The following TBC1D23 variants were observed in gnomAD, a reference collection of about 807,000 sequenced individuals.
TBC1D23 encodes the protein HCV non-structural protein 4A-transactivated protein 1.
TBC1D23 carries 55 observed loss-of-function variants against 91.4 expected under a neutral mutation model. The observed-to-expected ratio is 0.60, with a 90% CI of 0.48 to 0.75. The LOEUF is 0.75. Among genes scored for constraint, TBC1D23 ranks in the 30% least tolerant of loss-of-function variants. The pLI is 0.00. For synonymous variants in TBC1D23, 289 were observed against 281.0 expected, an observed-to-expected ratio of 1.03 and a Z score of -0.28; for missense variants, 725 against 836.1, an observed-to-expected ratio of 0.87 and a Z score of 1.64.
intron 4 of TBC1D23, among the ~76,000 whole-genome samples, chr3:100,285,360 T>C (rs1047965850): frequency 6.6e-6 from 1 of 152,272 alleles, no homozygotes; most frequent in African/African-American, 2.4e-5. Flanking sequence ...TTTTTGTGAC[T>C]GCCTTTAATG....
At position 100,283,676 on chromosome 3, in the gene TBC1D23, A is replaced by T; in HGVS notation, c.341A>T (p.Tyr114Phe). 1 of 1,613,426 alleles carries T rather than the reference A, an allele frequency of 6.2e-7. No homozygotes were observed. The highest frequency in any genetic ancestry group is 8.5e-7 in the Non-Finnish European group (1 of 1,179,380). ...GATATTGAATCTGTAATTACCTTTTATTGTAAATCACGTAACATTAAATAT... is the reference window on the plus strand; with the variant it reads ...GATATTGAATCTGTAATTACCTTTTTTTGTAAATCACGTAACATTAAATAT... ...LLDIESVITF[Y>F]CKSRNIKYST... Residue 114 changes from tyrosine to phenylalanine, a missense_variant, in exon 4 of 19, where the codon TAT becomes TTT. Transcript: ENST00000394144.
chr3:100,310,420 C>T lies in TBC1D23; in HGVS notation c.1431C>T (p.Gly477=). The part of the protein sequence containing the change: ...INSVDGESPN[G]SSDRGMKSLV... ...TTTTTTAGGGTGAATCTCCTAATGG[C>T]TCAAGTGATAGAGGAATGAAATCAC... is the stretch of plus-strand genomic sequence containing the variant. Residue 477 remains glycine, a synonymous_variant, in exon 14 of 19, where the codon GGC becomes GGT. Coordinates refer to ENST00000394144, the MANE Select transcript of TBC1D23 (RefSeq NM_001199198.3). 1 of 1,612,310 alleles carries T rather than the reference C, an allele frequency of 6.2e-7. No homozygotes were observed.
intron 1 of TBC1D23, among the ~76,000 whole-genome samples, chr3:100,269,867 G>C (rs1309942414): frequency 6.6e-6 from 1 of 152,170 alleles, no homozygotes; most frequent in African/African-American, 2.4e-5. Flanking sequence ...CATGCAGCTT[G>C]CCACTGCTTA....
rs901858833 is a variant in TBC1D23, at chr3:100,295,467, C to T, written c.772+119C>T. 1.1e-5 allele frequency: 8 copies of T among 743,636 alleles called. No individual in the cohort carries two copies. The East Asian group carries it at 1.4e-4, about 13-fold the overall frequency. 46.1% of individuals were successfully genotyped at this position (743,636 alleles called of 1,614,324 possible). On this transcript the variant is annotated intron_variant, in intron 7 of 18. Coordinates refer to ENST00000394144, the MANE Select transcript of TBC1D23 (RefSeq NM_001199198.3). The stretch of plus-strand genomic sequence containing the variant: ...AGAAGAGCTCTGAGGCTCCATTCAA[C>T]TCTCAGATTATATAAACACTCTCCA...
At chr3:100,287,793 T>C (rs1246941658) in intron 4 of TBC1D23, among the ~76,000 whole-genome samples, 1 of 152,192 alleles carries the variant, frequency 6.6e-6, no homozygotes, top group Non-Finnish European at 1.5e-5. Context: ...ACATTTTTTT[T>C]TCTTTTTTGA....
intron 11 of TBC1D23, among the ~76,000 whole-genome samples, chr3:100,303,793 G>A (rs75670179): frequency 2.6e-5 from 4 of 152,064 alleles, no homozygotes; most frequent in African/African-American, 7.2e-5. Flanking sequence ...AAATAAAAAC[G>A]CTTCAGTATA....
At chr3:100,273,192 G>C (rs904748195) in intron 1 of TBC1D23, among the ~76,000 whole-genome samples, 4 of 152,206 alleles carry the variant, frequency 2.6e-5, no homozygotes, top group Non-Finnish European at 5.9e-5. Context: ...CTGGGTACTT[G>C]AGATTAGGGA....
chr3:100,283,689 T>A lies in TBC1D23; in HGVS notation c.354T>A (p.Arg118=). The A allele has an allele frequency of 6.2e-7, 1 of 1,612,738 alleles. No individual in the cohort carries two copies. Among genetic ancestry groups the A allele is most frequent in the South Asian group, 1.1e-5 (1 of 91,060 alleles). The change falls in exon 4 of 19, where the codon CGT becomes CGA. Residue 118 remains arginine (R), a synonymous_variant. Coordinates refer to ENST00000394144, the MANE Select transcript of TBC1D23 (RefSeq NM_001199198.3). ...TAATTACCTTTTATTGTAAATCACGTAACATTAAATATAGCACATCCCTTA... is the reference window on the plus strand; with the variant it reads ...TAATTACCTTTTATTGTAAATCACGAAACATTAAATATAGCACATCCCTTA... ...ESVITFYCKS[R]NIKYSTSLSW...
chr3:100,299,169 G>A, intron 9 of TBC1D23, 70 bp from the exon 10 acceptor site: 2 of 987,334 alleles, frequency 2.0e-6, no homozygotes, highest in Middle Eastern at 2.2e-4. Context: ...TTGGTTAACT[G>A]TGAATATTAT....
At chr3:100,315,360 C>T (rs941839284) in intron 15 of TBC1D23, among the ~76,000 whole-genome samples, 2 of 151,968 alleles carry the variant, frequency 1.3e-5, no homozygotes, top group Non-Finnish European at 2.9e-5. Context: ...CGGAGTTTCT[C>T]CACGTTGGTC....
chr3:100,320,709 A>T (rs1370079519), intron 17 of TBC1D23, 68 bp from the exon 18 acceptor site: 1 of 968,766 alleles, frequency 1.0e-6, no homozygotes, highest in African/African-American at 1.7e-5. Context: ...AGATGGTTGA[A>T]ACAACACCTG....
At chr3:100,291,536 T>C (rs1262258530) in intron 5 of TBC1D23, among the ~76,000 whole-genome samples, 2 of 151,260 alleles carry the variant, frequency 1.3e-5, no homozygotes, top group African/African-American at 4.9e-5. Flanking sequence ...TGAGCCGAGA[T>C]TGCACCACTG....
At chr3:100,316,520 G>C (rs1268165017) in intron 16 of TBC1D23, among the ~76,000 whole-genome samples, 3 of 152,002 alleles carry the variant, frequency 2.0e-5, no homozygotes. Flanking sequence ...TTGATTATAG[G>C]TGTCTTCAGC....
Position 100,295,119 on chromosome 3 carries a change from T to A in TBC1D23, c.633T>A (p.Thr211=). The A allele has an allele frequency of 6.2e-7, 1 of 1,602,294 alleles. No homozygotes were observed. Among genetic ancestry groups the A allele is most frequent in the Non-Finnish European group, 8.5e-7 (1 of 1,176,860 alleles). ...LGSLFACYCS[T]EVTQAIWDGY... ...GTCTTTTTGCATGTTACTGTTCCAC[T>A]GAAGTCACTCAGGCAATATGGGATG... The change falls in exon 6 of 19, where the codon ACT becomes ACA. Residue 211 remains threonine, a synonymous_variant. Transcript: ENST00000394144.
At chr3:100,290,510 G>T in intron 4 of TBC1D23, 68 bp from the exon 5 acceptor site, 2 of 1,434,824 alleles carry the variant, frequency 1.4e-6, no homozygotes, top group South Asian at 1.2e-5. Flanking sequence ...ATAGCAGGAA[G>T]ATTGGTTACT....
Position 100,299,302 on chromosome 3 carries a change from T to G in TBC1D23, c.1063T>G (p.Ser355Ala), listed in dbSNP as rs1705375887. Reference sequence around the variant, plus strand: ...AGAACAATATAATGCTGGGCATTTATCAACTGCTTTCCACTTAGATTCAGA... The same window carrying G: ...AGAACAATATAATGCTGGGCATTTAGCAACTGCTTTCCACTTAGATTCAGA... ...PAEQYNAGHL[S>A]TAFHLDSDLM... The change falls in exon 10 of 19, where the codon TCA becomes GCA. Residue 355 changes from serine to alanine, a missense_variant. Ser to Ala is a moderately conservative substitution (Grantham distance 99). Coordinates refer to ENST00000394144, the MANE Select transcript of TBC1D23 (RefSeq NM_001199198.3). 6.2e-7 allele frequency: 1 copy of G among 1,611,728 alleles called. No individual in the cohort carries two copies. Among genetic ancestry groups the G allele is most frequent in the Admixed American group, 1.7e-5 (1 of 59,958 alleles).
chr3:100,318,941 CTG>C (rs1488292886), intron 16 of TBC1D23, 126 bp from the exon 17 acceptor site: 1 of 565,386 alleles, frequency 1.8e-6, no homozygotes, highest in African/African-American at 2.0e-5. Context: ...GCGTGAGTCA[CTG>C]TGCCCAGGCT....
intron 14 of TBC1D23, among the ~76,000 whole-genome samples, chr3:100,311,168 C>T (rs73148388): frequency 0.063 from 9,558 of 152,156 alleles, 429 homozygotes; most frequent in South Asian, 0.11. Context: ...TCAAAGCTAA[C>T]CTTATAATTG....
At chr3:100,268,934 T>G (rs1317974854) in intron 1 of TBC1D23, among the ~76,000 whole-genome samples, 1 of 152,224 alleles carries the variant, frequency 6.6e-6, no homozygotes, top group Non-Finnish European at 1.5e-5. Context: ...CATATAGTTA[T>G]GAGAAACGTT....
Sources: allele counts gnomAD v4.1 joint callset (sites outside exome capture counted in the v4.1 genomes callset), GRCh38; gene constraint gnomAD v4.1.1; transcripts MANE v1.5; gene names NCBI Gene and HGNC (gene_info 2026-07-23, HGNC 2026-07-21).